The following TMC2 variants were observed in gnomAD, a reference collection of about 807,000 sequenced individuals.
TMC2 encodes the protein transmembrane channel like 2.
Under a neutral mutation model 105.9 loss-of-function variants are expected in TMC2, and 102 were observed. The ratio of observed to expected loss-of-function variants is 0.96; its 90% CI spans 0.82 to 1.14. The LOEUF (loss-of-function observed/expected upper bound fraction) is 1.14. Ranked by LOEUF, TMC2 falls within the 50% of genes most tolerant of loss-of-function variation. TMC2 has a pLI of 0.00. For synonymous variants in TMC2, 402 were observed against 422.8 expected, an observed-to-expected ratio of 0.95 and a Z score of 0.60; for missense variants, 1,093 against 1,134.3, an observed-to-expected ratio of 0.96 and a Z score of 0.52.
At chr20:2,562,594 C>G (rs1440220380) in intron 4 of TMC2, among the ~76,000 whole-genome samples, 1 of 152,246 alleles carries the variant, frequency 6.6e-6, no homozygotes. Flanking sequence ...TACTCAGCCA[C>G]TTCTTTGGTT....
chr20:2,600,425 C>T (rs145282335), intron 10 of TMC2, among the ~76,000 whole-genome samples: 107 of 152,288 alleles, frequency 7.0e-4, no homozygotes, highest in African/African-American at 2.5e-3. Context: ...TGCCTGTAAT[C>T]CCAGCACTTT....
chr20:2,569,800 G>A (rs1308239645), intron 4 of TMC2, among the ~76,000 whole-genome samples: 1 of 152,156 alleles, frequency 6.6e-6, no homozygotes, highest in African/African-American at 2.4e-5. Context: ...CCAGGGCTAA[G>A]GTTCTCTTCT....
intron 9 of TMC2, among the ~76,000 whole-genome samples, chr20:2,596,516 C>T (rs1204159953): frequency 6.6e-6 from 1 of 151,716 alleles, no homozygotes; most frequent in Non-Finnish European, 1.5e-5. Context: ...GTTTGTAATC[C>T]CAGCTACTCG....
intron 4 of TMC2, among the ~76,000 whole-genome samples, chr20:2,571,593 G>A (rs925306790): frequency 5.9e-5 from 9 of 152,180 alleles, no homozygotes; most frequent in South Asian, 2.1e-4. Context: ...TTCAACCATC[G>A]TGGAAAGCAA....
At chr20:2,587,251 A>G (rs2086237716) in intron 7 of TMC2, among the ~76,000 whole-genome samples, 2 of 152,056 alleles carry the variant, frequency 1.3e-5, no homozygotes, top group African/African-American at 2.4e-5. Context: ...TTTGTTTTAT[A>G]TATGTTAATG....
intron 2 of TMC2, among the ~76,000 whole-genome samples, chr20:2,547,437 C>T (rs1007664657): frequency 6.6e-6 from 1 of 152,174 alleles, no homozygotes; most frequent in Non-Finnish European, 1.5e-5. Flanking sequence ...AATGTTTGAA[C>T]ATTTTACCTA....
intron 2 of TMC2, among the ~76,000 whole-genome samples, chr20:2,545,983 T>A (rs2085924164): frequency 6.6e-6 from 1 of 152,140 alleles, no homozygotes; most frequent in South Asian, 2.1e-4. Context: ...ACTTGTAAGA[T>A]CTTTGAAAGC....
rs768422269 is a variant in TMC2, at chr20:2,594,933, G to A, written c.1042G>A (p.Val348Met). ...PMAYFMVGVS[V>M]FGYSLIIVIR... is the part of the protein sequence containing the mutation. The stretch of plus-strand genomic sequence containing the variant: ...GGCTTACTTTATGGTGGGGGTCAGC[G>A]TGTTCGGCTACAGCCTGATTATTGT... The change falls in exon 9 of 20, where the codon GTG becomes ATG. Residue 348 changes from valine to methionine, a missense_variant. Transcript: ENST00000358864. 8.7e-6 allele frequency: 14 copies of A among 1,614,102 alleles called. No individual in the cohort carries two copies. The highest frequency in any genetic ancestry group is 2.2e-5 in the South Asian group (2 of 91,078).
intron 7 of TMC2, among the ~76,000 whole-genome samples, chr20:2,587,010 A>G (rs1696843672): frequency 1.3e-5 from 2 of 152,162 alleles, no homozygotes; most frequent in Non-Finnish European, 2.9e-5. Flanking sequence ...TATAGTGATC[A>G]TAGTGTATAT....
In TMC2 at chr20:2,602,236, T is replaced by A. The variant is rs2146223874; in HGVS notation, c.1348T>A (p.Phe450Ile). 1 of 1,613,322 alleles carries A rather than the reference T, an allele frequency of 6.2e-7. No individual in the cohort carries two copies. Residue 450 changes from phenylalanine (F) to isoleucine (I), a missense_variant, in exon 11 of 20, where the codon TTT becomes ATT. Phe to Ile is a conservative substitution (Grantham distance 21). Coordinates refer to ENST00000358864, the MANE Select transcript of TMC2 (RefSeq NM_080751.3). ...CLCGSGYLIY[F>I]VVKRSQQFSK... ...GTGTGGAAGTGGGTACCTCATTTAC[T>A]TTGTGGTTAAGCGATCTCAGCAATT... is the stretch of plus-strand genomic sequence containing the variant.
intron 5 of TMC2, 63 bp from the exon 6 acceptor site, chr20:2,579,071 GTGCCCCTCATCA>G (rs1458069250): frequency 6.7e-5 from 54 of 809,818 alleles, no homozygotes; most frequent in Non-Finnish European, 1.0e-4. Context: ...CGGCCTCCTC[GTGCCCCTCATCA>G]TGCCCCTTTG....
In TMC2 at chr20:2,553,062, T is replaced by G. The variant is rs140947342; in HGVS notation, c.83-5394T>G. The stretch of plus-strand genomic sequence containing the variant: ...ATCTGTGAACAAAGACAGTTTTATT[T>G]TTTTGTTCCCATTTAGTCTACTGTT... On this transcript the variant is annotated intron_variant, in intron 2 of 19. Coordinates refer to ENST00000358864, the MANE Select transcript of TMC2 (RefSeq NM_080751.3). Among the ~76,000 whole-genome samples the G allele has an allele frequency of 2.5e-4, 38 of 152,318 alleles. No individual in the cohort carries two copies. The East Asian group carries it at 7.1e-3, about 29-fold the overall frequency.
At chr20:2,587,354 T>A (rs2146205998) in intron 7 of TMC2, among the ~76,000 whole-genome samples, 1 of 152,312 alleles carries the variant, frequency 6.6e-6, no homozygotes, top group Non-Finnish European at 1.5e-5. Flanking sequence ...ATTCTTGGAA[T>A]AAACCCAACT....
At chr20:2,625,406 G>A (rs1256017387) in intron 17 of TMC2, among the ~76,000 whole-genome samples, 1 of 152,048 alleles carries the variant, frequency 6.6e-6, no homozygotes, top group Non-Finnish European at 1.5e-5. Context: ...CCTCCCCAAA[G>A]GTAACTATTA....
chr20:2,602,094 C>G lies in TMC2; in HGVS notation c.1225-19C>G. 3.8e-6 allele frequency: 6 copies of G among 1,582,880 alleles called. No individual in the cohort carries two copies. The highest frequency in any genetic ancestry group is 4.3e-6 in the Non-Finnish European group (5 of 1,161,218). ...TTTCTGGCCTGACATTTATGCACAT[C>G]TCATTTTCACACATTAAGGAATCAA... On this transcript the variant is annotated intron_variant, in intron 10 of 19. Coordinates refer to ENST00000358864, the MANE Select transcript of TMC2 (RefSeq NM_080751.3).
chr20:2,548,436 C>T (rs1332963902), intron 2 of TMC2, among the ~76,000 whole-genome samples: 4 of 151,858 alleles, frequency 2.6e-5, no homozygotes, highest in Non-Finnish European at 5.9e-5. Context: ...ATCGGGGGTT[C>T]GAGACGAGGC....
intron 7 of TMC2, among the ~76,000 whole-genome samples, chr20:2,584,401 G>A (rs1481426131): frequency 2.3e-4 from 32 of 138,792 alleles, no homozygotes; most frequent in African/African-American, 6.4e-4. Flanking sequence ...CCGAGATCCC[G>A]CCACTGCACT....
At chr20:2,594,138 C>T (rs1426440452) in intron 8 of TMC2, among the ~76,000 whole-genome samples, 5 of 152,076 alleles carry the variant, frequency 3.3e-5, no homozygotes, top group Admixed American at 3.3e-4. Context: ...ATTGCTGCTG[C>T]CATCCTTCAC....
rs937207945 is a variant in TMC2 at position 2,590,625 on chromosome 20, C to T, written c.835-1685C>T. On this transcript the variant is annotated intron_variant, in intron 7 of 19. Transcript: ENST00000358864. ...AAAAGAAACATGATATATCCCTATC[C>T]CTACTACTTTTCAATATTAATTTCT... Among the ~76,000 whole-genome samples, 4 of 151,888 alleles carry T rather than the reference C, an allele frequency of 2.6e-5. No homozygotes were observed. The South Asian group carries it at 8.3e-4, about 32-fold the overall frequency.
Sources: allele counts gnomAD v4.1 joint callset (sites outside exome capture counted in the v4.1 genomes callset), GRCh38; gene constraint gnomAD v4.1.1; transcripts MANE v1.5; gene names NCBI Gene and HGNC (gene_info 2026-07-23, HGNC 2026-07-21).